ATM: variants seen among roughly 807,000 people sequenced by gnomAD.
ATM encodes serine-protein kinase ATM.
Under a neutral mutation model 387.0 loss-of-function variants are expected in ATM, and 308 were observed. That is an observed-to-expected ratio of 0.80 (90% CI 0.73 to 0.87). The LOEUF is 0.87. ATM is among the 40% of genes least tolerant of loss of function. ATM has a pLI of 0.00. For synonymous variants in ATM, 1,156 were observed against 1,187.3 expected, an observed-to-expected ratio of 0.97 and a Z score of 0.54; for missense variants, 3,312 against 3,560.9, an observed-to-expected ratio of 0.93 and a Z score of 1.78.
At chr11:108,241,686 T>C (rs571246098) in intron 5 of ATM, among the ~76,000 whole-genome samples, 4 of 151,732 alleles carry the variant, frequency 2.6e-5, no homozygotes, top group East Asian at 1.9e-4. Context: ...TTTAGTAATA[T>C]GCATTTAAGG....
At chr11:108,270,992 C>G (rs1052181153) in intron 18 of ATM, 72 bp from the exon 19 acceptor site, 3 of 1,316,448 alleles carry the variant, frequency 2.3e-6, no homozygotes, top group African/African-American at 2.9e-5. Flanking sequence ...CTGCACCCGG[C>G]CTATGTTTAT....
intron 23 of ATM, 32 bp downstream of exon 23, chr11:108,279,640 C>T (rs2082127684): frequency 6.7e-7 from 1 of 1,488,234 alleles, no homozygotes; most frequent in South Asian, 1.1e-5. Flanking sequence ...TTGCTGTTAT[C>T]ATATGCTTGC....
chr11:108,350,284 T>C (rs1293296768), intron 59 of ATM, among the ~76,000 whole-genome samples: 2 of 152,128 alleles, frequency 1.3e-5, no homozygotes, highest in Non-Finnish European at 2.9e-5. Flanking sequence ...ACAAGGAGAT[T>C]TGAAGCACTG....
rs1060504282 is a variant in ATM, at chr11:108,301,780, A to G, written c.5310A>G (p.Ser1770=). 6.2e-7 allele frequency: 1 copy of G among 1,613,548 alleles called. No homozygotes were observed. Among genetic ancestry groups the G allele is most frequent in the Non-Finnish European group, 8.5e-7 (1 of 1,179,642 alleles). ...MLAYLQPFRT[S]RKKFLEVPRF... ...CCTATCTACAGCCTTTTAGAACATCAAGAAAAAAGGTCTCTTAAGTAATAA... is the reference window on the plus strand; with the variant it reads ...CCTATCTACAGCCTTTTAGAACATCGAGAAAAAAGGTCTCTTAAGTAATAA... The change falls in exon 35 of 63, where the codon TCA becomes TCG. Residue 1770 remains serine, a synonymous_variant. Transcript: ENST00000675843.
In ATM at chr11:108,288,599, CTAAA is replaced by C. The variant is rs202068074; in HGVS notation, c.4110-374_4110-371del. 6.1e-3 allele frequency among the ~76,000 whole-genome samples: 913 copies of C among 148,772 alleles called. 5 individuals carry two copies. The highest frequency in any genetic ancestry group is 0.011 in the East Asian group (54 of 5,078). ...TTTCACATATGTAATTTCATGCTGTCTAAATAAGTGTTGATTGCCATGTCTTAAA... is the reference window on the plus strand; with the variant it reads ...TTTCACATATGTAATTTCATGCTGTCTAAGTGTTGATTGCCATGTCTTAAA... On this transcript the variant is annotated intron_variant, in intron 27 of 62. Transcript: ENST00000675843.
Position 108,251,821 on chromosome 11 carries a change from CTTTGT to C in ATM, c.1608-9_1608-5del. The C allele has an allele frequency of 6.2e-7, 1 of 1,613,362 alleles. No individual in the cohort carries two copies. The highest frequency in any genetic ancestry group is 2.2e-5 in the East Asian group (1 of 44,832). On this transcript the variant is annotated splice_polypyrimidine_tract_variant and intron_variant, in intron 10 of 62. Transcript: ENST00000675843. ...CAATAGCTTGCTTTTCACAATTGTC[CTTTGT>C]TTTGTTATAGTCCTGCAGTATGCTG...
At chr11:108,358,294 G>A (rs1287667290) in intron 61 of ATM, among the ~76,000 whole-genome samples, 1 of 145,472 alleles carries the variant, frequency 6.9e-6, no homozygotes. Flanking sequence ...ATGGGACTAT[G>A]TGAAAAGACC....
intron 33 of ATM, among the ~76,000 whole-genome samples, chr11:108,299,325 TTTTC>T (rs1409164339): frequency 6.6e-6 from 1 of 152,030 alleles, no homozygotes; most frequent in Non-Finnish European, 1.5e-5. Flanking sequence ...CTTTTTTTTT[TTTTC>T]TTTTGTCACC....
At chr11:108,257,401 A>G (rs1207640814) in intron 14 of ATM, 80 bp from the exon 15 acceptor site, 3 of 1,533,758 alleles carry the variant, frequency 2.0e-6, no homozygotes, top group South Asian at 1.1e-5. Flanking sequence ...TAGTATGTCC[A>G]AGATCAAAGT....
At chr11:108,360,123 G>A (rs1354713135) in intron 61 of ATM, among the ~76,000 whole-genome samples, 13 of 150,510 alleles carry the variant, frequency 8.6e-5, no homozygotes, top group African/African-American at 2.2e-4. Flanking sequence ...TATCACCACC[G>A]ATCCCACAGA....
At chr11:108,283,040 G>A (rs1591642306) in intron 25 of ATM, among the ~76,000 whole-genome samples, 161 bp downstream of exon 25, 1 of 152,196 alleles carries the variant, frequency 6.6e-6, no homozygotes, top group African/African-American at 2.4e-5. Flanking sequence ...TAATAAGAAT[G>A]TATTGAAGGG....
chr11:108,275,320 C>T (rs1057400717), intron 22 of ATM, among the ~76,000 whole-genome samples: 2 of 152,184 alleles, frequency 1.3e-5, no homozygotes, highest in African/African-American at 2.4e-5. Flanking sequence ...ATCCAATTTG[C>T]CAGTCTCTGT....
intron 26 of ATM, among the ~76,000 whole-genome samples, chr11:108,286,020 T>C (rs1591650901): frequency 6.6e-6 from 1 of 152,268 alleles, no homozygotes; most frequent in Non-Finnish European, 1.5e-5. Flanking sequence ...GTTTCTTAGC[T>C]TTTTGGTTAA....
At chr11:108,240,427 T>G (rs1056484740) in intron 5 of ATM, among the ~76,000 whole-genome samples, 1 of 152,314 alleles carries the variant, frequency 6.6e-6, no homozygotes, top group East Asian at 1.9e-4. Flanking sequence ...AATGTGGATA[T>G]GTTCTGAGAA....
intron 6 of ATM, among the ~76,000 whole-genome samples, chr11:108,244,562 G>A (rs1337215454): frequency 6.6e-6 from 1 of 151,986 alleles, no homozygotes; most frequent in Non-Finnish European, 1.5e-5. Context: ...TAGCAGGAGG[G>A]AGAGCTAACA....
chr11:108,348,387 A>G (rs929077864), intron 59 of ATM, among the ~76,000 whole-genome samples: 1 of 149,642 alleles, frequency 6.7e-6, no homozygotes, highest in Non-Finnish European at 1.5e-5. Context: ...TAAGAAAGAA[A>G]GAATATGTAG....
In ATM at chr11:108,281,120, G is replaced by A. The variant is rs748335454; in HGVS notation, c.3528G>A (p.Leu1176=). The change falls in exon 24 of 63, where the codon CTG becomes CTA. Residue 1176 remains leucine (L), a synonymous_variant. Coordinates refer to ENST00000675843, the MANE Select transcript of ATM (RefSeq NM_000051.4). ...GCGAAAAACAGGCTTTGTTTGCCCTGTGTAAATCTGTGAAAGAGAATGGAT... is the reference window on the plus strand; with the variant it reads ...GCGAAAAACAGGCTTTGTTTGCCCTATGTAAATCTGTGAAAGAGAATGGAT... ...PICEKQALFA[L]CKSVKENGLE... The A allele has an allele frequency of 6.2e-7, 1 of 1,614,002 alleles. No individual in the cohort carries two copies. Among genetic ancestry groups the A allele is most frequent in the Non-Finnish European group, 8.5e-7 (1 of 1,179,972 alleles).
chr11:108,256,597 C>T (rs185831258), intron 14 of ATM, among the ~76,000 whole-genome samples: 1 of 152,162 alleles, frequency 6.6e-6, no homozygotes, highest in East Asian at 1.9e-4. Flanking sequence ...TATACAGTGC[C>T]ATGGTGGTTT....
At chr11:108,267,597 G>A (rs763657327) in intron 17 of ATM, among the ~76,000 whole-genome samples, 2 of 151,976 alleles carry the variant, frequency 1.3e-5, no homozygotes, top group African/African-American at 2.4e-5. Context: ...GGTGGCTCAC[G>A]CTTGTAATCT....
Sources: allele counts gnomAD v4.1 joint callset (sites outside exome capture counted in the v4.1 genomes callset), GRCh38; gene constraint gnomAD v4.1.1; transcripts MANE v1.5; gene names NCBI Gene and HGNC (gene_info 2026-07-23, HGNC 2026-07-21).